The following CEP85L variants were observed in gnomAD, a reference collection of about 807,000 sequenced individuals.
The protein encoded by CEP85L is centrosomal protein of 85 kDa-like.
A neutral mutation model predicts 100.3 loss-of-function variants in CEP85L; 60 were observed. The ratio of observed to expected loss-of-function variants is 0.60; its 90% CI spans 0.49 to 0.74. The LOEUF (loss-of-function observed/expected upper bound fraction) is 0.74, where lower values mean the gene tolerates loss of function less well. CEP85L is among the 30% of genes least tolerant of loss of function. CEP85L has a pLI of 0.00. For synonymous variants in CEP85L, 319 were observed against 322.7 expected, an observed-to-expected ratio of 0.99 and a Z score of 0.12; for missense variants, 973 against 936.2, an observed-to-expected ratio of 1.04 and a Z score of -0.51.
At chr6:118,615,352 T>C (rs540413049) in intron 2 of CEP85L, among the ~76,000 whole-genome samples, 3 of 151,312 alleles carry the variant, frequency 2.0e-5, no homozygotes, top group African/African-American at 7.3e-5. Context: ...TCTAAGCTTA[T>C]ACAGAAAGGA....
chr6:118,500,144 A>T (rs572451056), intron 5 of CEP85L, among the ~76,000 whole-genome samples: 4,493 of 148,878 alleles, frequency 0.03, 221 homozygotes, highest in African/African-American at 0.1. Flanking sequence ...CTACTAAAGT[A>T]TTTTTTTTTT....
intron 1 of CEP85L, among the ~76,000 whole-genome samples, chr6:118,706,781 T>C (rs1028865059): frequency 5.3e-5 from 8 of 152,336 alleles, no homozygotes; most frequent in Admixed American, 3.9e-4. Context: ...TCTAGTCTTA[T>C]AGGGAACTTT....
At chr6:118,597,118 G>A (rs1332897875) in intron 2 of CEP85L, among the ~76,000 whole-genome samples, 7 of 152,112 alleles carry the variant, frequency 4.6e-5, no homozygotes, top group African/African-American at 1.7e-4. Context: ...TTTCCCCCAT[G>A]ATTCTAAGTT....
intron 2 of CEP85L, among the ~76,000 whole-genome samples, chr6:118,614,663 G>C (rs1226918025): frequency 6.6e-6 from 1 of 152,258 alleles, no homozygotes; most frequent in East Asian, 1.9e-4. Flanking sequence ...GACCAACATG[G>C]AGAAACCCCG....
chr6:118,539,562 A>C (rs1480389457), intron 3 of CEP85L, among the ~76,000 whole-genome samples: 2 of 152,224 alleles, frequency 1.3e-5, no homozygotes, highest in Non-Finnish European at 2.9e-5. Flanking sequence ...TTTTTCTAAA[A>C]GGATATAAAA....
chr6:118,619,994 T>C (rs372549085), intron 2 of CEP85L, among the ~76,000 whole-genome samples: 12 of 152,164 alleles, frequency 7.9e-5, no homozygotes, highest in South Asian at 4.1e-4. Context: ...ATCATGAAGA[T>C]TGGAGCCGCA....
chr6:118,471,110 G>A (rs928883098), intron 10 of CEP85L, among the ~76,000 whole-genome samples: 2 of 151,896 alleles, frequency 1.3e-5, no homozygotes, highest in African/African-American at 2.4e-5. Flanking sequence ...CATAGCTCCC[G>A]TCTTTCATTG....
intron 1 of CEP85L, among the ~76,000 whole-genome samples, chr6:118,641,491 T>C (rs1196607717): frequency 2.0e-5 from 3 of 152,184 alleles, no homozygotes; most frequent in Non-Finnish European, 4.4e-5. Flanking sequence ...CTAGTGCCCT[T>C]ACTTGGATTA....
Position 118,464,178 on chromosome 6 carries a change from T to C in CEP85L, c.*1227A>G, listed in dbSNP as rs1336848171. 6.6e-6 allele frequency: 1 copy of C among 152,208 alleles called. No homozygotes were observed. The highest frequency in any genetic ancestry group is 2.1e-4 in the South Asian group (1 of 4,834). The allele number at this position is 152,208 out of a possible 1,614,324, so 9.4% of individuals were successfully genotyped here. A position where few individuals can be genotyped will look rare whatever the true frequency, so the allele number is the denominator to read the frequency against. On this transcript the variant is annotated 3_prime_UTR_variant, in exon 13 of 13. Transcript: ENST00000368491. ...AATCAATGCTGAAGGCAATAAAATG[T>C]ATAATCCTTCCAAAATACCAACAGA...
chr6:118,597,761 TC>T (rs562399162), intron 2 of CEP85L, among the ~76,000 whole-genome samples: 55 of 152,310 alleles, frequency 3.6e-4, no homozygotes, highest in Non-Finnish European at 6.6e-4. Context: ...AGTCATCTAT[TC>T]AGTGGTGTTT....
intron 3 of CEP85L, among the ~76,000 whole-genome samples, chr6:118,528,817 T>C (rs1777119718): frequency 6.6e-6 from 1 of 152,002 alleles, no homozygotes; most frequent in East Asian, 1.9e-4. Context: ...CCTAGCAAAA[T>C]TCAAGAATAA....
Position 118,462,703 on chromosome 6 carries a change from A to G in CEP85L, c.*2702T>C, listed in dbSNP as rs549689830. On this transcript the variant is annotated 3_prime_UTR_variant, in exon 13 of 13. Coordinates refer to ENST00000368491, the MANE Select transcript of CEP85L (RefSeq NM_001042475.3). ...AACTTCCACGAACATCCTAGTTCAA[A>G]CTGGGTGAGATGCTCTAGTGTTGCT... 4.1e-4 allele frequency: 62 copies of G among 152,132 alleles called. No individual in the cohort carries two copies. The highest frequency in any genetic ancestry group is 1.4e-3 in the African/African-American group (59 of 41,558). The allele number at this position is 152,132 out of a possible 1,614,324, so 9.4% of individuals were successfully genotyped here.
Position 118,566,044 on chromosome 6 carries a change from C to G in CEP85L, c.505G>C (p.Gly169Arg). 2 of 1,614,184 alleles carry G rather than the reference C, an allele frequency of 1.2e-6. 1 individual carries two copies. Among genetic ancestry groups the G allele is most frequent in the African/African-American group, 2.7e-5 (2 of 75,022 alleles). Residue 169 changes from glycine (G) to arginine (R), a missense_variant, in exon 3 of 13, where the codon GGC becomes CGC. Around this residue, in one of 3 missense-constraint regions of CEP85L, gnomAD observed 890 missense variants for 844.5 expected, o/e 1.05. Coordinates refer to ENST00000368491, the MANE Select transcript of CEP85L (RefSeq NM_001042475.3). Reference protein sequence around the residue: ...LSKLTAPDNCGQGGTVCREES... With the variant: ...LSKLTAPDNCRQGGTVCREES... ...TCTCTGCATACAGTGCCACCCTGGC[C>G]ACAGTTATCCGGGGCAGTGAGTTTG...
chr6:118,509,099 C>G (rs903428866), intron 5 of CEP85L, among the ~76,000 whole-genome samples: 1 of 152,054 alleles, frequency 6.6e-6, no homozygotes, highest in African/African-American at 2.4e-5. Flanking sequence ...TCACATACTT[C>G]AAAATCCTAC....
rs536863511 is a variant in CEP85L, at chr6:118,484,287, G to C, written c.1438-429C>G. 2.6e-5 allele frequency among the ~76,000 whole-genome samples: 4 copies of C among 152,346 alleles called. No homozygotes were observed. The South Asian group carries it at 6.2e-4, about 24-fold the overall frequency. ...GCCGAGATTGTGCCACTGCACTCCT[G>C]CCTGGGTGATAGAGCGAGACTTTGT... On this transcript the variant is annotated intron_variant, in intron 6 of 12. Transcript: ENST00000368491.
intron 2 of CEP85L, among the ~76,000 whole-genome samples, chr6:118,575,874 C>T (rs1362389022): frequency 6.6e-6 from 1 of 152,020 alleles, no homozygotes; most frequent in African/African-American, 2.4e-5. Flanking sequence ...TAAGGCCATG[C>T]CAAAGCATCC....
intron 3 of CEP85L, chr6:118,560,641 T>C (rs952540447): frequency 1.2e-5 from 2 of 166,968 alleles, no homozygotes; most frequent in Non-Finnish European, 2.9e-5. Flanking sequence ...ATCAACCAAA[T>C]GGTAAGCATC....
chr6:118,478,987 A>T (rs1027780373), intron 10 of CEP85L, among the ~76,000 whole-genome samples: 2 of 152,184 alleles, frequency 1.3e-5, no homozygotes, highest in Non-Finnish European at 2.9e-5. Flanking sequence ...AACTTGTATT[A>T]GATTTACTTC....
intron 5 of CEP85L, among the ~76,000 whole-genome samples, chr6:118,506,351 G>A (rs1217123963): frequency 1.3e-5 from 2 of 152,160 alleles, no homozygotes; most frequent in Non-Finnish European, 2.9e-5. Context: ...AGATGATATA[G>A]GTGGACTCTG....
Sources: gnomAD v4.1 joint callset for allele counts (sites outside exome capture counted in the v4.1 genomes callset) on GRCh38, gnomAD v4.1.1 for gene constraint, gnomAD v4.1.1 regional missense constraint, MANE v1.5 for transcripts, NCBI Gene and HGNC (gene_info 2026-07-23, HGNC 2026-07-21) for gene names.